ZNF704: variants seen among roughly 807,000 people sequenced by gnomAD.
ZNF704 encodes the protein glucocorticoid induced gene 1.
A neutral mutation model predicts 44.7 loss-of-function variants in ZNF704; 10 were observed. The observed-to-expected ratio is 0.22, with a 90% CI of 0.14 to 0.38. The LOEUF (loss-of-function observed/expected upper bound fraction) is 0.38, where lower values mean the gene tolerates loss of function less well. Among genes scored for constraint, ZNF704 ranks in the 10% least tolerant of loss-of-function variants. The probability of loss-of-function intolerance (pLI) is 1.00; values close to 1 mark genes in which losing one functional copy is unlikely to be tolerated. For synonymous variants in ZNF704, 211 were observed against 207.6 expected (o/e 1.02, Z -0.14); for missense variants, 390 against 545.5 (o/e 0.71, Z 2.84).
At chr8:80,672,333 T>G (rs1818295130) in intron 4 of ZNF704, among the ~76,000 whole-genome samples, 1 of 152,168 alleles carries the variant, frequency 6.6e-6, no homozygotes, top group Non-Finnish European at 1.5e-5. Flanking sequence ...TGTGAATTAG[T>G]TCAGCCACTG....
At chr8:80,813,537 A>G (rs1422754117) in intron 2 of ZNF704, among the ~76,000 whole-genome samples, 1 of 152,124 alleles carries the variant, frequency 6.6e-6, no homozygotes, top group Non-Finnish European at 1.5e-5. Context: ...CACATACTAC[A>G]TGGGCCAAAT....
chr8:80,815,617 T>A (rs1009358417), intron 2 of ZNF704, among the ~76,000 whole-genome samples: 2 of 152,232 alleles, frequency 1.3e-5, no homozygotes, highest in African/African-American at 4.8e-5. Context: ...TGGTCTCCAA[T>A]AAACACAAAT....
chr8:80,770,345 C>A (rs1044766266), intron 2 of ZNF704, among the ~76,000 whole-genome samples: 1 of 152,218 alleles, frequency 6.6e-6, no homozygotes, highest in African/African-American at 2.4e-5. Context: ...CCCTCCTTCA[C>A]TCCTGGTAAC....
Position 80,759,465 on chromosome 8 carries a change from C to T in ZNF704, c.221+61909G>A, listed in dbSNP as rs1245417919. ...CTCTTTACTAGTGTGGCAGGACCTA[C>T]GACTTGTTTGTAACCAAGAGAATAT... On this transcript the variant is annotated intron_variant, in intron 2 of 8. Transcript: ENST00000327835. Among the ~76,000 whole-genome samples the T allele has an allele frequency of 7.9e-5, 12 of 152,156 alleles. No individual in the cohort carries two copies. In the South Asian group the frequency reaches 2.1e-3, roughly 26 times the overall value.
chr8:80,686,276 T>C lies in ZNF704; in HGVS notation c.558+950A>G, dbSNP rs564580773. On this transcript the variant is annotated intron_variant, in intron 4 of 8. Coordinates refer to ENST00000327835, the MANE Select transcript of ZNF704 (RefSeq NM_001033723.3). ...GATCCTCAGTTTCCTCATAACAAGA[T>C]GGAAATGCAAAACTTACCATATAGG... Among the ~76,000 whole-genome samples, 302 of 152,300 alleles carry C rather than the reference T, an allele frequency of 2.0e-3. 5 individuals carry two copies. Among genetic ancestry groups the C allele is most frequent in the African/African-American group, 1.3e-3 (55 of 41,558 alleles).
At chr8:80,788,836 TA>T (rs1461602671) in intron 2 of ZNF704, among the ~76,000 whole-genome samples, 1 of 152,180 alleles carries the variant, frequency 6.6e-6, no homozygotes. Context: ...CCAACTCTGA[TA>T]AAAATTGTGT....
At chr8:80,652,590 C>T (rs1306337695) in intron 7 of ZNF704, among the ~76,000 whole-genome samples, 1 of 152,178 alleles carries the variant, frequency 6.6e-6, no homozygotes, top group Non-Finnish European at 1.5e-5. Context: ...AATTCCTCGA[C>T]ACACACACCC....
intron 2 of ZNF704, among the ~76,000 whole-genome samples, chr8:80,704,452 A>C (rs1003889897): frequency 6.6e-6 from 1 of 152,206 alleles, no homozygotes; most frequent in African/African-American, 2.4e-5. Flanking sequence ...TGGAATCTCC[A>C]GTGATAGGCA....
At chr8:80,813,990 A>G (rs1314801655) in intron 2 of ZNF704, 1 of 152,190 alleles carries the variant, frequency 6.6e-6, no homozygotes, top group East Asian at 1.9e-4. Context: ...CTTCCTTCCC[A>G]TTTTTATAGA....
At chr8:80,775,762 T>C (rs116946292) in intron 2 of ZNF704, among the ~76,000 whole-genome samples, 8 of 152,328 alleles carry the variant, frequency 5.3e-5, no homozygotes, top group South Asian at 2.1e-4. Flanking sequence ...CTTATCTTTA[T>C]GGACAACTCC....
chr8:80,718,653 CA>C lies in ZNF704; in HGVS notation c.222-25547del, dbSNP rs146537142. ...GAGTCATGAGGAGTGAACCTAAACC[CA>C]AACTGCAGTTTGAAGCCCAGACCTG... is the stretch of plus-strand genomic sequence containing the variant. On this transcript the variant is annotated intron_variant, in intron 2 of 8. Transcript: ENST00000327835. Among the ~76,000 whole-genome samples the C allele has an allele frequency of 4.0e-3, 603 of 152,250 alleles. 1 individual carries two copies. Among genetic ancestry groups the C allele is most frequent in the Non-Finnish European group, 5.4e-3 (368 of 68,032 alleles).
intron 2 of ZNF704, among the ~76,000 whole-genome samples, chr8:80,791,669 C>G (rs1371484746): frequency 6.6e-6 from 1 of 152,084 alleles, no homozygotes; most frequent in South Asian, 2.1e-4. Flanking sequence ...GCAGCCAAGG[C>G]TTCTGCTGAC....
chr8:80,833,135 C>G (rs1234514339), intron 1 of ZNF704, among the ~76,000 whole-genome samples: 1 of 152,164 alleles, frequency 6.6e-6, no homozygotes. Context: ...ATCACGAGGT[C>G]AAGAGGTCAA....
rs1585914800 is a variant in ZNF704, at chr8:80,641,042, G to A, written c.*324C>T. 1 of 182,482 alleles carries A rather than the reference G, an allele frequency of 5.5e-6. No individual in the cohort carries two copies. Among genetic ancestry groups the A allele is most frequent in the East Asian group, 1.4e-4 (1 of 7,224 alleles). The allele number at this position is 182,482 out of a possible 1,614,324, so 11.3% of individuals were successfully genotyped here. A position where few individuals can be genotyped will look rare whatever the true frequency, so the allele number is the denominator to read the frequency against. On this transcript the variant is annotated 3_prime_UTR_variant, in exon 9 of 9. Coordinates refer to ENST00000327835, the MANE Select transcript of ZNF704 (RefSeq NM_001033723.3). The stretch of plus-strand genomic sequence containing the variant: ...ATATGCCTCCTTTCTAGGTAAAATG[G>A]GCTTTGTTGGTTCAATTGCTACAGA...
chr8:80,703,323 A>G (rs372309509), intron 2 of ZNF704, among the ~76,000 whole-genome samples: 1 of 151,962 alleles, frequency 6.6e-6, no homozygotes, highest in Non-Finnish European at 1.5e-5. Context: ...CTGCTCCTGG[A>G]AGCCGCCTTC....
chr8:80,657,447 C>T (rs1818033525), intron 7 of ZNF704, among the ~76,000 whole-genome samples: 1 of 152,118 alleles, frequency 6.6e-6, no homozygotes. Context: ...AATCCCAGCA[C>T]TTTGGGAGGC....
At chr8:80,760,857 T>G (rs1388355467) in intron 2 of ZNF704, among the ~76,000 whole-genome samples, 2 of 152,012 alleles carry the variant, frequency 1.3e-5, no homozygotes, top group Non-Finnish European at 2.9e-5. Context: ...GCATGTCACA[T>G]GGCCACAGCA....
intron 1 of ZNF704, among the ~76,000 whole-genome samples, chr8:80,845,252 G>A (rs1808749721): frequency 6.6e-6 from 1 of 152,126 alleles, no homozygotes; most frequent in South Asian, 2.1e-4. Context: ...CAGTTGGGCT[G>A]GGTTCAATGC....
intron 2 of ZNF704, 31 bp from the exon 3 acceptor site, chr8:80,693,138 T>C: frequency 6.3e-7 from 1 of 1,587,188 alleles, no homozygotes; most frequent in Non-Finnish European, 8.7e-7. Context: ...CTGGTGACTG[T>C]TCACTCTGCA....
Sources: allele counts gnomAD v4.1 joint callset (sites outside exome capture counted in the v4.1 genomes callset), GRCh38; gene constraint gnomAD v4.1.1; transcripts MANE v1.5; gene names NCBI Gene and HGNC (gene_info 2026-07-23, HGNC 2026-07-21).